Variants in MBD5 observed in about 807,000 individuals in gnomAD.
MBD5 encodes the protein methyl-CpG-binding domain protein 5.
A neutral mutation model predicts 117.3 loss-of-function variants in MBD5; 13 were observed. That is an observed-to-expected ratio of 0.11 (90% CI 0.07 to 0.18). MBD5 has a LOEUF of 0.18. MBD5 is among the 10% of genes least tolerant of loss of function. The pLI is 1.00. For missense variants in MBD5, 1,879 were observed against 2,093.8 expected (o/e 0.90, Z 2.00); for synonymous variants, 727 against 766.4 (o/e 0.95, Z 0.85).
At chr2:148,440,462 A>G (rs1025824631) in intron 4 of MBD5, among the ~76,000 whole-genome samples, 3 of 152,108 alleles carry the variant, frequency 2.0e-5, no homozygotes, top group African/African-American at 7.2e-5. Context: ...TTCGGCCTCC[A>G]CTCAGTTTTG....
At chr2:148,284,000 T>C (rs966105323) in intron 3 of MBD5, among the ~76,000 whole-genome samples, 1 of 152,222 alleles carries the variant, frequency 6.6e-6, no homozygotes, top group Non-Finnish European at 1.5e-5. Context: ...TCTTTTGTAC[T>C]CTTCTGATGT....
chr2:148,446,970 T>G (rs1706554513), intron 4 of MBD5, among the ~76,000 whole-genome samples: 1 of 151,982 alleles, frequency 6.6e-6, no homozygotes, highest in African/African-American at 2.4e-5. Context: ...TGAGTAATTG[T>G]ACAATTAGAT....
At chr2:148,313,724 C>A (rs549724635) in intron 3 of MBD5, among the ~76,000 whole-genome samples, 4 of 152,282 alleles carry the variant, frequency 2.6e-5, no homozygotes, top group Admixed American at 2.6e-4. Flanking sequence ...AGTGTCTACC[C>A]AAATGGCTGC....
At chr2:148,486,018 G>T in intron 10 of MBD5, 68 bp downstream of exon 10, 1 of 1,501,126 alleles carries the variant, frequency 6.7e-7, no homozygotes, top group South Asian at 1.1e-5. Flanking sequence ...CTTAATTTGG[G>T]GGAAAGGGTG....
At chr2:148,429,984 T>TAAAAAATAC (rs1396088492) in intron 4 of MBD5, among the ~76,000 whole-genome samples, 2 of 152,146 alleles carry the variant, frequency 1.3e-5, no homozygotes, top group Non-Finnish European at 2.9e-5. Flanking sequence ...CCCCAGAACT[T>TAAAAAATAC]AAAAAATACT....
chr2:148,314,009 T>C (rs1233530168), intron 3 of MBD5, among the ~76,000 whole-genome samples: 1 of 151,612 alleles, frequency 6.6e-6, no homozygotes, highest in Admixed American at 6.6e-5. Context: ...GTTGGATACC[T>C]CAGTTGGAAA....
intron 8 of MBD5, among the ~76,000 whole-genome samples, chr2:148,472,956 ACTGAATC>A (rs1209538268): frequency 3.9e-4 from 60 of 152,264 alleles, no homozygotes; most frequent in Non-Finnish European, 4.6e-4. Flanking sequence ...ATCATACATA[ACTGAATC>A]AGGATTTGAA....
At chr2:148,437,130 G>C (rs1364066806) in intron 4 of MBD5, among the ~76,000 whole-genome samples, 3 of 130 alleles carry the variant, frequency 0.023, no homozygotes, top group South Asian at 0.14. Context: ...CTACAGGCAC[G>C]TGCACCGCGC....
At chr2:148,319,222 T>C (rs1702227199) in intron 3 of MBD5, among the ~76,000 whole-genome samples, 1 of 152,164 alleles carries the variant, frequency 6.6e-6, no homozygotes, top group Admixed American at 6.5e-5. Flanking sequence ...TTACAATTGA[T>C]TTGGCTATTT....
intron 1 of MBD5, among the ~76,000 whole-genome samples, chr2:148,125,221 AT>A (rs1312295247): frequency 6.6e-6 from 1 of 151,778 alleles, no homozygotes; most frequent in Admixed American, 6.6e-5. Context: ...ATCTTTCATA[AT>A]TTTTTTAACC....
intron 4 of MBD5, among the ~76,000 whole-genome samples, chr2:148,396,149 C>G (rs1418550942): frequency 6.6e-6 from 1 of 152,192 alleles, no homozygotes; most frequent in Admixed American, 6.5e-5. Flanking sequence ...CTATTACATT[C>G]CTGGAACTGC....
chr2:148,419,538 C>G (rs182218402), intron 4 of MBD5, among the ~76,000 whole-genome samples: 18 of 152,150 alleles, frequency 1.2e-4, no homozygotes, highest in Non-Finnish European at 8.8e-5. Flanking sequence ...AATTAGCCAG[C>G]CTTTTTTCAG....
At chr2:148,426,844 C>T (rs2105310058) in intron 4 of MBD5, among the ~76,000 whole-genome samples, 2 of 152,112 alleles carry the variant, frequency 1.3e-5, no homozygotes, top group South Asian at 2.1e-4. Context: ...CAAAAGAAAC[C>T]ACCATCAGAG....
chr2:148,124,247 C>A (rs767877043), intron 1 of MBD5, among the ~76,000 whole-genome samples: 1 of 152,086 alleles, frequency 6.6e-6, no homozygotes, highest in Non-Finnish European at 1.5e-5. Context: ...CCACTGCACT[C>A]CAGCCTGGGT....
At chr2:148,433,766 G>A (rs1706066836) in intron 4 of MBD5, among the ~76,000 whole-genome samples, 1 of 152,026 alleles carries the variant, frequency 6.6e-6, no homozygotes, top group Non-Finnish European at 1.5e-5. Context: ...ATTTTGTTGA[G>A]GGTTTTTGCA....
At chr2:148,354,883 G>C (rs910400152) in intron 4 of MBD5, among the ~76,000 whole-genome samples, 3 of 151,340 alleles carry the variant, frequency 2.0e-5, no homozygotes, top group Admixed American at 6.6e-5. Flanking sequence ...ACGTTTGTTG[G>C]CTGCATAAAT....
intron 4 of MBD5, among the ~76,000 whole-genome samples, chr2:148,445,263 T>G (rs201268840): frequency 6.6e-6 from 1 of 151,146 alleles, no homozygotes; most frequent in African/African-American, 2.5e-5. Flanking sequence ...ATTAGGTGTA[T>G]CTCCTAATGC....
chr2:148,258,248 C>T (rs2106281833), intron 3 of MBD5, among the ~76,000 whole-genome samples: 1 of 152,252 alleles, frequency 6.6e-6, no homozygotes, highest in East Asian at 1.9e-4. Flanking sequence ...TGTCCACCCC[C>T]AGAATGTATT....
intron 1 of MBD5, among the ~76,000 whole-genome samples, chr2:148,123,300 T>C (rs1232228536): frequency 6.6e-6 from 1 of 152,260 alleles, no homozygotes; most frequent in African/African-American, 2.4e-5. Flanking sequence ...ATGACTATGA[T>C]ATGAATTGAC....
Sources: allele counts gnomAD v4.1 joint callset (sites outside exome capture counted in the v4.1 genomes callset), GRCh38; gene constraint gnomAD v4.1.1; transcripts MANE v1.5; gene names NCBI Gene and HGNC (gene_info 2026-07-23, HGNC 2026-07-21).